The following LMO3 variants were observed in gnomAD, a reference collection of about 807,000 sequenced individuals.
The protein encoded by LMO3 is LIM domain only protein 3.
LMO3 carries 2 observed loss-of-function variants against 15.8 expected under a neutral mutation model. That is an observed-to-expected ratio of 0.13 (90% confidence interval 0.05 to 0.40). LMO3 has a LOEUF of 0.40. Among genes scored for constraint, LMO3 ranks in the 10% least tolerant of loss-of-function variants. The pLI is 0.99. For synonymous variants in LMO3, 62 were observed against 63.8 expected (o/e 0.97, Z 0.13); for missense variants, 86 against 182.2 (o/e 0.47, Z 3.04).
In LMO3 at chr12:16,551,121, C is replaced by T. The variant is rs951857248; in HGVS notation, c.*101G>A. 1.2e-4 allele frequency: 90 copies of T among 770,656 alleles called. No homozygotes were observed. The highest frequency in any genetic ancestry group is 1.8e-4 in the Non-Finnish European group (77 of 438,528). The allele number at this position is 770,656 out of a possible 1,614,324, so 47.7% of individuals were successfully genotyped here. A position where few individuals can be genotyped will look rare whatever the true frequency, so the allele number is the denominator to read the frequency against. ...TAACCATCCTGCCTTCCTATATCTA[C>T]GCTATTCAGTAGGTTCCTGTGTCAA... is the stretch of plus-strand genomic sequence containing the variant. On this transcript the variant is annotated 3_prime_UTR_variant, in exon 4 of 4. Transcript: ENST00000537304.
rs964133281 is a variant in LMO3, at chr12:16,599,476, T to G, written c.206+1179A>C. The G allele has an allele frequency of 1.3e-5, 2 of 152,148 alleles. No homozygotes were observed. Among genetic ancestry groups the G allele is most frequent in the African/African-American group, 2.4e-5 (1 of 41,424 alleles). 9.4% of individuals were successfully genotyped at this position (152,148 alleles called of 1,614,324 possible). A position where few individuals can be genotyped will look rare whatever the true frequency, so the allele number is the denominator to read the frequency against. Reference sequence around the variant, plus strand: ...GACTGAAAATAGCTGAATTATATACTAAGAACGACCAAATTCCCTAGAAAA... The same window carrying G: ...GACTGAAAATAGCTGAATTATATACGAAGAACGACCAAATTCCCTAGAAAA... On this transcript the variant is annotated intron_variant, in intron 2 of 3. Coordinates refer to ENST00000537304, the MANE Select transcript of LMO3 (RefSeq NM_018640.5). The surrounding 1 kb of genome is among the most constrained non-coding windows in gnomAD (Gnocchi z 4.1).
intron 2 of LMO3, among the ~76,000 whole-genome samples, chr12:16,561,066 T>C (rs962309314): frequency 2.0e-5 from 3 of 152,104 alleles, no homozygotes; most frequent in African/African-American, 7.2e-5. Context: ...TATACCATAG[T>C]TATAGCTATG....
chr12:16,607,423 T>A (rs1434450415), upstream of LMO3: 1 of 114,286 alleles, frequency 8.7e-6, no homozygotes, highest in East Asian at 2.2e-4. Flanking sequence ...TTTTAAGGCC[T>A]TGACAGATTT....
At position 16,603,587 on chromosome 12, in the gene LMO3, T is replaced by C. The variant is rs994017874; in HGVS notation, c.-9+2479A>G. Among the ~76,000 whole-genome samples, 1 of 152,196 alleles carries C rather than the reference T, an allele frequency of 6.6e-6. No homozygotes were observed. Among genetic ancestry groups the C allele is most frequent in the Non-Finnish European group, 1.5e-5 (1 of 68,042 alleles). On this transcript the variant is annotated intron_variant, in intron 1 of 3. Coordinates refer to ENST00000537304, the MANE Select transcript of LMO3 (RefSeq NM_018640.5). This position sits in a 1 kb window ranked among gnomAD's most constrained non-coding sequence, Gnocchi z 4.9. Reference sequence around the variant, plus strand: ...TGAGACCCTGCCATTCTGAGTTATTTGACAGTTTAAGGGAAATCATAATTA... The same window carrying C: ...TGAGACCCTGCCATTCTGAGTTATTCGACAGTTTAAGGGAAATCATAATTA...
Position 16,565,944 on chromosome 12 carries a change from A to G in LMO3, c.207-5406T>C, listed in dbSNP as rs534462007. On this transcript the variant is annotated intron_variant, in intron 2 of 3. Coordinates refer to ENST00000537304, the MANE Select transcript of LMO3 (RefSeq NM_018640.5). ...AATAGTCAAGCTATGGAATCAACCT[A>G]CATGCCCATCAATGGATGAATGGAT... Among the ~76,000 whole-genome samples, 129 of 137,446 alleles carry G rather than the reference A, an allele frequency of 9.4e-4. 2 individuals carry two copies. The highest frequency in any genetic ancestry group is 3.5e-3 in the African/African-American group (129 of 37,152). 90.2% of individuals were successfully genotyped at this position (137,446 alleles called of 152,430 possible). A position where few individuals can be genotyped will look rare whatever the true frequency, so the allele number is the denominator to read the frequency against.
chr12:16,607,678 A>C (rs1317795317), upstream of LMO3: 1 of 151,410 alleles, frequency 6.6e-6, no homozygotes, highest in Non-Finnish European at 1.5e-5. Flanking sequence ...TTTAAGAGCC[A>C]AGAAATATTC....
intron 3 of LMO3, among the ~76,000 whole-genome samples, chr12:16,553,355 A>C (rs1591765024): frequency 1.3e-5 from 2 of 152,170 alleles, no homozygotes; most frequent in Admixed American, 6.5e-5. Flanking sequence ...AATAATGTGA[A>C]GATTAAATGG....
At chr12:16,605,716 G>A in intron 1 of LMO3, 1 of 1,497,162 alleles carries the variant, frequency 6.7e-7, no homozygotes. Context: ...TCAGGGGTGT[G>A]GAAATACTGC....
At position 16,559,608 on chromosome 12, in the gene LMO3, T is replaced by C. The variant is rs1280752335; in HGVS notation, c.332+805A>G. Among the ~76,000 whole-genome samples the C allele has an allele frequency of 6.6e-6, 1 of 152,126 alleles. No homozygotes were observed. Among genetic ancestry groups the C allele is most frequent in the Non-Finnish European group, 1.5e-5 (1 of 68,014 alleles). The stretch of plus-strand genomic sequence containing the variant: ...TATCTGGACTGATTCTCAAAGATAT[T>C]TGAAGTAACTGCAAAAGTACATATA... On this transcript the variant is annotated intron_variant, in intron 3 of 3. Coordinates refer to ENST00000537304, the MANE Select transcript of LMO3 (RefSeq NM_018640.5). The surrounding 1 kb of genome is among the most constrained non-coding windows in gnomAD (Gnocchi z 4.1).
At chr12:16,588,031 G>A (rs1404927435) in intron 2 of LMO3, among the ~76,000 whole-genome samples, 3 of 151,904 alleles carry the variant, frequency 2.0e-5, no homozygotes, top group Non-Finnish European at 4.4e-5. Flanking sequence ...CCAAGCTTTG[G>A]TATTTTCCCC....
In LMO3 at chr12:16,586,744, T is replaced by C. The variant is rs1048156091; in HGVS notation, c.206+13911A>G. The stretch of plus-strand genomic sequence containing the variant: ...ATGTTTTTTTCCATTTCTCTGGTAC[T>C]TGAGCTAAGCTCCTGTGGCTCAGAT... On this transcript the variant is annotated intron_variant, in intron 2 of 3. Coordinates refer to ENST00000537304, the MANE Select transcript of LMO3 (RefSeq NM_018640.5). The surrounding 1 kb of genome is among the most constrained non-coding windows in gnomAD (Gnocchi z 4.3). Among the ~76,000 whole-genome samples the C allele has an allele frequency of 2.6e-5, 4 of 152,212 alleles. No homozygotes were observed. Among genetic ancestry groups the C allele is most frequent in the African/African-American group, 4.8e-5 (2 of 41,464 alleles).
rs76846117 is a variant in LMO3, at chr12:16,590,849, C to T, written c.206+9806G>A. On this transcript the variant is annotated intron_variant, in intron 2 of 3. Coordinates refer to ENST00000537304, the MANE Select transcript of LMO3 (RefSeq NM_018640.5). ...CCCTTAGATTGGCAACAGATCATCA[C>T]GTGACCAAATCCAGAAGCCTATTTT... Among the ~76,000 whole-genome samples, 196 of 152,086 alleles carry T rather than the reference C, an allele frequency of 1.3e-3. 4 individuals are homozygous for T. In the East Asian group the frequency reaches 0.036, roughly 28 times the overall value.
chr12:16,568,973 T>C (rs553235164), intron 2 of LMO3, among the ~76,000 whole-genome samples: 1 of 152,308 alleles, frequency 6.6e-6, no homozygotes, highest in South Asian at 2.1e-4. Context: ...CTTAAAAATA[T>C]GTATGCTAAT....
In LMO3 at chr12:16,593,136, A is replaced by G. The variant is rs1943545808; in HGVS notation, c.206+7519T>C. Among the ~76,000 whole-genome samples, 3 of 151,862 alleles carry G rather than the reference A, an allele frequency of 2.0e-5. No homozygotes were observed. The highest frequency in any genetic ancestry group is 4.4e-5 in the Non-Finnish European group (3 of 67,804). Reference sequence around the variant, plus strand: ...CTTGTCATATCTGATATTTATGTTTACTAAAATTGATTTTCTCTTTTTATT... The same window carrying G: ...CTTGTCATATCTGATATTTATGTTTGCTAAAATTGATTTTCTCTTTTTATT... On this transcript the variant is annotated intron_variant, in intron 2 of 3. Transcript: ENST00000537304. This position sits in a 1 kb window ranked among gnomAD's most constrained non-coding sequence, Gnocchi z 4.2.
chr12:16,608,948 G>A (rs1944078881), upstream of LMO3: 1 of 152,014 alleles, frequency 6.6e-6, no homozygotes, highest in Admixed American at 6.6e-5. This position sits in a 1 kb window ranked among gnomAD's most constrained non-coding sequence, Gnocchi z 4.1. Context: ...CAGTAATTAG[G>A]TTTTGTCATG....
chr12:16,602,945 G>C (rs371346473), intron 1 of LMO3, among the ~76,000 whole-genome samples: 2 of 151,396 alleles, frequency 1.3e-5, no homozygotes, highest in African/African-American at 4.9e-5. Flanking sequence ...TATTAAATTT[G>C]TAAGGCTATT....
intron 1 of LMO3, among the ~76,000 whole-genome samples, chr12:16,602,992 GAA>G (rs35078906): frequency 7.0e-6 from 1 of 143,530 alleles, no homozygotes; most frequent in African/African-American, 2.6e-5. Flanking sequence ...ATGAAAAATC[GAA>G]AAAAAAAAAA....
At chr12:16,567,150 C>T (rs911781558) in intron 2 of LMO3, among the ~76,000 whole-genome samples, 13 of 151,998 alleles carry the variant, frequency 8.6e-5, no homozygotes, top group East Asian at 3.9e-4. Context: ...GAGCTGAGAT[C>T]GTGCCATTGC....
chr12:16,599,357 G>A lies in LMO3; in HGVS notation c.206+1298C>T, dbSNP rs142109163. 2 of 152,250 alleles carry A rather than the reference G, an allele frequency of 1.3e-5. No homozygotes were observed. The highest frequency in any genetic ancestry group is 1.9e-4 in the East Asian group (1 of 5,168). The allele number at this position is 152,250 out of a possible 1,614,324, so 9.4% of individuals were successfully genotyped here. A position where few individuals can be genotyped will look rare whatever the true frequency, so the allele number is the denominator to read the frequency against. On this transcript the variant is annotated intron_variant, in intron 2 of 3. Transcript: ENST00000537304. The surrounding 1 kb of genome is among the most constrained non-coding windows in gnomAD (Gnocchi z 4.1). ...TGTCAGATGAGGCCGTCCTAAGAGCGAGAAGGAGTAGAATCTGATAAACAG... is the reference window on the plus strand; with the variant it reads ...TGTCAGATGAGGCCGTCCTAAGAGCAAGAAGGAGTAGAATCTGATAAACAG...
Sources: gnomAD v4.1 joint callset for allele counts (sites outside exome capture counted in the v4.1 genomes callset) on GRCh38, gnomAD v4.1.1 for gene constraint, Gnocchi (gnomAD v3.1) non-coding constraint, MANE v1.5 for transcripts, NCBI Gene and HGNC (gene_info 2026-07-23, HGNC 2026-07-21) for gene names.